Variants in PPARGC1B observed in about 807,000 individuals in gnomAD.
PPARGC1B encodes PPARG coactivator 1 beta, also known as peroxisome proliferator-activated receptor gamma coactivator 1-beta.
In PPARGC1B, 34 loss-of-function variants were observed where a neutral mutation model predicts 101.6. That is an observed-to-expected ratio of 0.33 (90% CI 0.25 to 0.45). The LOEUF is 0.45. Among genes scored for constraint, PPARGC1B ranks in the 20% least tolerant of loss-of-function variants. The pLI is 1.00. For missense variants in PPARGC1B, 1,234 were observed against 1,317.6 expected (o/e 0.94, Z 0.98); for synonymous variants, 548 against 539.3 (o/e 1.02, Z -0.22).
rs576379160 is a variant in PPARGC1B, at chr5:149,833,159, C to T, written c.1086C>T (p.Ala362=). ...LCDVSKPYRL[A]TPVYASLTPR... ...ATGTCAGCAAACCCTACCGTCTGGC[C>T]ACGCCTGTTTATGCCTCCCTCACAC... is the stretch of plus-strand genomic sequence containing the variant. The change falls in exon 5 of 12, where the codon GCC becomes GCT. Residue 362 remains alanine (A), a synonymous_variant. Transcript: ENST00000309241. This position sits in a 1 kb window ranked among gnomAD's most constrained non-coding sequence, Gnocchi z 4.1. 6.2e-7 allele frequency: 1 copy of T among 1,613,714 alleles called. No individual in the cohort carries two copies. Among genetic ancestry groups the T allele is most frequent in the Admixed American group, 1.7e-5 (1 of 60,030 alleles).
intron 1 of PPARGC1B, among the ~76,000 whole-genome samples, chr5:149,797,999 C>T (rs1029363107): frequency 5.9e-5 from 9 of 152,050 alleles, no homozygotes; most frequent in Admixed American, 1.3e-4. Flanking sequence ...TAGGCTTCAT[C>T]AGATCTCAGA....
intron 1 of PPARGC1B, among the ~76,000 whole-genome samples, chr5:149,753,717 G>A (rs567875235): frequency 2.0e-5 from 3 of 150,862 alleles, no homozygotes; most frequent in African/African-American, 4.9e-5. Flanking sequence ...TTTCTGAGAC[G>A]GAGTCTTGCT....
At chr5:149,750,928 AG>A (rs1755276444) in intron 1 of PPARGC1B, among the ~76,000 whole-genome samples, 1 of 152,258 alleles carries the variant, frequency 6.6e-6, no homozygotes. Flanking sequence ...TGAGCTTTAC[AG>A]AAAAAGTTAA....
At chr5:149,771,753 C>G (rs1756139283) in intron 1 of PPARGC1B, among the ~76,000 whole-genome samples, 2 of 152,232 alleles carry the variant, frequency 1.3e-5, no homozygotes, top group Non-Finnish European at 2.9e-5. Context: ...ACTCCACTTG[C>G]TCCGCCTTAC....
chr5:149,750,844 T>C (rs1267704687), intron 1 of PPARGC1B, among the ~76,000 whole-genome samples: 1 of 152,224 alleles, frequency 6.6e-6, no homozygotes, highest in Non-Finnish European at 1.5e-5. Flanking sequence ...GTACGCACGA[T>C]GGGTGCCCGT....
chr5:149,852,543 A>G lies in PPARGC1B; in HGVS notation c.*4985A>G, dbSNP rs1019095363. 6.6e-6 allele frequency: 1 copy of G among 152,166 alleles called. No individual in the cohort carries two copies. Among genetic ancestry groups the G allele is most frequent in the African/African-American group, 2.4e-5 (1 of 41,426 alleles). The allele number at this position is 152,166 out of a possible 1,614,324, so 9.4% of individuals were successfully genotyped here. A position where few individuals can be genotyped will look rare whatever the true frequency, so the allele number is the denominator to read the frequency against. ...CAGCTCCCCGGGACAGATCTAAGCC[A>G]TAGTTTCTAGTGGGGACAGTAAGGA... On this transcript the variant is annotated 3_prime_UTR_variant, in exon 12 of 12. Transcript: ENST00000309241.
At chr5:149,785,068 A>G (rs1756750673) in intron 1 of PPARGC1B, among the ~76,000 whole-genome samples, 1 of 152,166 alleles carries the variant, frequency 6.6e-6, no homozygotes, top group Non-Finnish European at 1.5e-5. Context: ...TTGACCCTTA[A>G]TTACAAGGGG....
intron 1 of PPARGC1B, among the ~76,000 whole-genome samples, chr5:149,735,219 C>T (rs1754657242): frequency 1.3e-5 from 2 of 152,150 alleles, no homozygotes; most frequent in African/African-American, 4.8e-5. Context: ...ATTGGGATTC[C>T]CTGGCTGGTG....
intron 1 of PPARGC1B, among the ~76,000 whole-genome samples, chr5:149,761,065 G>T (rs1287997960): frequency 6.6e-6 from 1 of 152,188 alleles, no homozygotes; most frequent in Admixed American, 6.5e-5. Context: ...GTCTAATCCT[G>T]CTGCGGTGGC....
At position 149,820,561 on chromosome 5, in the gene PPARGC1B, G is replaced by A. The variant is rs745883295; in HGVS notation, c.207G>A (p.Glu69=). 7 of 1,613,656 alleles carry A rather than the reference G, an allele frequency of 4.3e-6. No homozygotes were observed. The highest frequency in any genetic ancestry group is 3.3e-4 in the Middle Eastern group (2 of 6,064). ...TGCAGTGGTGCCCAGAGAACTCAGA[G>A]ACTGAACCCAACCAGTACAGCCCCG... The part of the protein sequence containing the change: ...GELQWCPENS[E]TEPNQYSPDD... Residue 69 remains glutamate, a synonymous_variant, in exon 2 of 12, where the codon GAG becomes GAA. Coordinates refer to ENST00000309241, the MANE Select transcript of PPARGC1B (RefSeq NM_133263.4).
At chr5:149,802,928 AG>A (rs1757477464) in intron 1 of PPARGC1B, among the ~76,000 whole-genome samples, 1 of 152,130 alleles carries the variant, frequency 6.6e-6, no homozygotes, top group African/African-American at 2.4e-5. Flanking sequence ...TAGCATAGGG[AG>A]GAGCCAGCAG....
In PPARGC1B at chr5:149,834,333, A is replaced by T. The variant is rs115758400; in HGVS notation, c.1706-341A>T. Among the ~76,000 whole-genome samples the T allele has an allele frequency of 6.6e-3, 1,010 of 152,374 alleles. 13 individuals carry two copies. The highest frequency in any genetic ancestry group is 0.022 in the African/African-American group (933 of 41,602). On this transcript the variant is annotated intron_variant, in intron 5 of 11. Transcript: ENST00000309241. ...GATACAGAAACTCAGGCACAGAGCT[A>T]CTTAATGATGAGCCCTATGCAGGGC...
intron 2 of PPARGC1B, 131 bp from the exon 3 acceptor site, chr5:149,826,542 G>A: frequency 1.4e-6 from 1 of 696,792 alleles, no homozygotes; most frequent in Non-Finnish European, 2.6e-6. Flanking sequence ...CAGAGGGGAG[G>A]GTATGGCAGG....
intron 8 of PPARGC1B, among the ~76,000 whole-genome samples, chr5:149,839,573 A>T (rs1216295093): frequency 1.3e-5 from 2 of 152,188 alleles, no homozygotes; most frequent in African/African-American, 4.8e-5. Flanking sequence ...GTGGTTCTGG[A>T]ATCAGAAGGA....
In PPARGC1B at chr5:149,850,041, A is replaced by G. The variant is rs551656069; in HGVS notation, c.*2483A>G. 6.6e-6 allele frequency: 1 copy of G among 152,292 alleles called. No individual in the cohort carries two copies. The highest frequency in any genetic ancestry group is 1.5e-5 in the Non-Finnish European group (1 of 68,052). 9.4% of individuals were successfully genotyped at this position (152,292 alleles called of 1,614,324 possible). A position where few individuals can be genotyped will look rare whatever the true frequency, so the allele number is the denominator to read the frequency against. ...TTTACATCAAGGAGAGAACTGAGAT[A>G]GGAAAGAACACTAGATTCCAAGTCT... is the stretch of plus-strand genomic sequence containing the variant. On this transcript the variant is annotated 3_prime_UTR_variant, in exon 12 of 12. Coordinates refer to ENST00000309241, the MANE Select transcript of PPARGC1B (RefSeq NM_133263.4).
intron 1 of PPARGC1B, among the ~76,000 whole-genome samples, chr5:149,750,453 A>ATATATATATATATATATATAT (rs1755246049): frequency 8.1e-6 from 1 of 123,240 alleles, no homozygotes; most frequent in African/African-American, 3.1e-5. Context: ...TTTTAGTTAA[A>ATATATATATATATATATATAT]ATATATATAT....
chr5:149,794,524 G>GCGCACA (rs1491358678), intron 1 of PPARGC1B, among the ~76,000 whole-genome samples: 1 of 143,560 alleles, frequency 7.0e-6, no homozygotes, highest in South Asian at 2.2e-4. Context: ...ATGTGAGCGT[G>GCGCACA]CACACACACA....
chr5:149,833,290 G>T lies in PPARGC1B; in HGVS notation c.1217G>T (p.Arg406Ile), dbSNP rs147798578. The T allele has an allele frequency of 6.2e-7, 1 of 1,613,450 alleles. No homozygotes were observed. Among genetic ancestry groups the T allele is most frequent in the African/African-American group, 1.3e-5 (1 of 75,068 alleles). Reference protein sequence around the residue: ...IAASPKSTGPRPSLRPLRLEV... With the variant: ...IAASPKSTGPIPSLRPLRLEV... ...GCTTCACCCAAGAGCACCGGGCCCAGACCAAGCCTGCGCCCACTGCGGCTG... is the reference window on the plus strand; with the variant it reads ...GCTTCACCCAAGAGCACCGGGCCCATACCAAGCCTGCGCCCACTGCGGCTG... The change falls in exon 5 of 12, where the codon AGA becomes ATA. Residue 406 changes from arginine (R) to isoleucine (I), a missense_variant. Arg to Ile is a moderately conservative substitution (Grantham distance 97). Transcript: ENST00000309241. This position sits in a 1 kb window ranked among gnomAD's most constrained non-coding sequence, Gnocchi z 4.1.
In PPARGC1B at chr5:149,836,733, A is replaced by G. The variant is rs897822594; in HGVS notation, c.2278A>G (p.Ile760Val). ...CAGCACGCTGCTGAGAGACCATGAG[A>G]TCCGTGCCAGCCTCACCAAACACTT... is the stretch of plus-strand genomic sequence containing the variant. ...KDSTLLRDHE[I>V]RASLTKHFGL... The change falls in exon 8 of 12, where the codon ATC becomes GTC. Residue 760 changes from isoleucine (I) to valine (V), a missense_variant. Around this residue, in one of 3 missense-constraint regions of PPARGC1B, gnomAD observed 497 missense variants for 529.5 expected, o/e 0.94. Coordinates refer to ENST00000309241, the MANE Select transcript of PPARGC1B (RefSeq NM_133263.4). The G allele has an allele frequency of 1.2e-6, 2 of 1,613,506 alleles. No individual in the cohort carries two copies. The highest frequency in any genetic ancestry group is 2.7e-5 in the African/African-American group (2 of 74,920).
Sources: allele counts gnomAD v4.1 joint callset (sites outside exome capture counted in the v4.1 genomes callset), GRCh38; gene constraint gnomAD v4.1.1; regional missense constraint gnomAD v4.1.1; non-coding constraint Gnocchi (gnomAD v3.1); transcripts MANE v1.5; gene names NCBI Gene and HGNC (gene_info 2026-07-23, HGNC 2026-07-21).